SLC35D2: variants seen among roughly 807,000 people sequenced by gnomAD.
SLC35D2 encodes solute carrier family 35 member D2.
A neutral mutation model predicts 41.8 loss-of-function variants in SLC35D2; 43 were observed. That is an observed-to-expected ratio of 1.03 (90% CI 0.81 to 1.33). The LOEUF is 1.33. Ranked by LOEUF, SLC35D2 falls within the 40% of genes most tolerant of loss-of-function variation. The pLI is 0.00. For missense variants in SLC35D2, 380 were observed against 408.4 expected, an observed-to-expected ratio of 0.93 and a Z score of 0.60; for synonymous variants, 150 against 163.9, an observed-to-expected ratio of 0.92 and a Z score of 0.65.
Position 96,336,730 on chromosome 9 carries a change from A to G in SLC35D2, c.739T>C (p.Ser247Pro). 1 of 1,583,800 alleles carries G rather than the reference A, an allele frequency of 6.3e-7. No individual in the cohort carries two copies. Among genetic ancestry groups the G allele is most frequent in the Non-Finnish European group, 8.6e-7 (1 of 1,157,928 alleles). The change falls in exon 9 of 12, where the codon TCC (serine) becomes CCC (proline). Residue 247 changes from serine to proline, a missense_variant. Coordinates refer to ENST00000253270, the MANE Select transcript of SLC35D2 (RefSeq NM_007001.3). ...NVVFILQFLL[S>P]CFLGFLLMYS... is the part of the protein sequence containing the mutation. ...ATGGTTTCTTACCCCAAAAAACAGGAAAGAAGAAACTGTAGGATAAACACA... is the reference window on the plus strand; with the variant it reads ...ATGGTTTCTTACCCCAAAAAACAGGGAAGAAGAAACTGTAGGATAAACACA...
At chr9:96,382,492 C>CTAT (rs1238678610) in intron 1 of SLC35D2, among the ~76,000 whole-genome samples, 1 of 144,196 alleles carries the variant, frequency 6.9e-6, no homozygotes, top group East Asian at 2.0e-4. Context: ...CACACACACA[C>CTAT]ACACTATATA....
chr9:96,336,682 T>C, intron 9 of SLC35D2, 35 bp downstream of exon 9: 2 of 1,256,680 alleles, frequency 1.6e-6, no homozygotes, highest in South Asian at 1.3e-5. Context: ...AGAGATACTG[T>C]TGACCAATGC....
At chr9:96,343,122 C>T in intron 8 of SLC35D2, among the ~76,000 whole-genome samples, 1 of 152,224 alleles carries the variant, frequency 6.6e-6, no homozygotes, top group East Asian at 1.9e-4. Flanking sequence ...TGGCCCGCGA[C>T]TTCCTGAAGA....
intron 1 of SLC35D2, among the ~76,000 whole-genome samples, chr9:96,382,487 ACACACACAC>A (rs1156897660): frequency 2.1e-5 from 3 of 144,320 alleles, no homozygotes; most frequent in East Asian, 2.0e-4. Flanking sequence ...ACACACACAC[ACACACACAC>A]TATATATATA....
rs1297715912 is a variant in SLC35D2, at chr9:96,343,947, A to T, written c.641T>A (p.Ile214Asn). ...VLFYNACFMI[I>N]PTLIISVSTG... ...GGAGACACTAATAATAAGAGTTGGGATAATCATGAAGCAGGCATTGTAGAA... is the reference window on the plus strand; with the variant it reads ...GGAGACACTAATAATAAGAGTTGGGTTAATCATGAAGCAGGCATTGTAGAA... Residue 214 changes from isoleucine (I) to asparagine (N), a missense_variant, in exon 8 of 12, where the codon ATC becomes AAC. Coordinates refer to ENST00000253270, the MANE Select transcript of SLC35D2 (RefSeq NM_007001.3). 6.2e-7 allele frequency: 1 copy of T among 1,601,464 alleles called. No individual in the cohort carries two copies. Among genetic ancestry groups the T allele is most frequent in the African/African-American group, 1.4e-5 (1 of 74,018 alleles).
At chr9:96,316,246 A>G (rs1828049645), downstream of SLC35D2, among the ~76,000 whole-genome samples, 1 of 152,206 alleles carries the variant, frequency 6.6e-6, no homozygotes. Context: ...CACAACTGTA[A>G]TCTCAGCACT....
rs1020379028 is a variant in SLC35D2, at chr9:96,313,815, A to T, written c.*2120T>A. 2.4e-4 allele frequency among the ~76,000 whole-genome samples: 37 copies of T among 152,266 alleles called. 1 individual carries two copies. Among genetic ancestry groups the T allele is most frequent in the African/African-American group, 7.7e-4 (32 of 41,548 alleles). On this transcript the variant is annotated 3_prime_UTR_variant and NMD_transcript_variant, in exon 12 of 12. Coordinates refer to the SLC35D2 transcript ENST00000650065. Reference sequence around the variant, plus strand: ...TGGTAGCCTCTGGTCTTGTCAGATCATCTCTCCCCAGTGTGGAACAGCCTT... The same window carrying T: ...TGGTAGCCTCTGGTCTTGTCAGATCTTCTCTCCCCAGTGTGGAACAGCCTT...
intron 3 of SLC35D2, among the ~76,000 whole-genome samples, chr9:96,360,659 A>AAAAAG (rs1351741259): frequency 1.3e-5 from 2 of 151,046 alleles, no homozygotes; most frequent in African/African-American, 2.4e-5. Flanking sequence ...AAAAAAGAAA[A>AAAAAG]GGTGCGCCTT....
At chr9:96,351,984 A>C (rs1290854292) in intron 5 of SLC35D2, 54 bp downstream of exon 5, 2 of 1,174,090 alleles carry the variant, frequency 1.7e-6, no homozygotes, top group African/African-American at 3.0e-5. Context: ...GCTGGGTAAA[A>C]GAAATGCAGT....
intron 1 of SLC35D2, among the ~76,000 whole-genome samples, chr9:96,382,640 A>T (rs972904703): frequency 5.3e-5 from 8 of 152,012 alleles, no homozygotes; most frequent in African/African-American, 1.9e-4. Context: ...TGTATATATA[A>T]AAAAAGAAAG....
At chr9:96,319,016 C>G (rs2130818499), downstream of SLC35D2, among the ~76,000 whole-genome samples, 1 of 152,210 alleles carries the variant, frequency 6.6e-6, no homozygotes, top group South Asian at 2.1e-4. Context: ...CACTTCTAGG[C>G]ATATATCTAA....
intron 4 of SLC35D2, among the ~76,000 whole-genome samples, chr9:96,357,995 G>A (rs1197512876): frequency 6.7e-6 from 1 of 150,308 alleles, no homozygotes; most frequent in Non-Finnish European, 1.5e-5. Flanking sequence ...AGCTGTGATC[G>A]CACCACTGCA....
chr9:96,323,634 A>G (rs1436462575), intron 10 of SLC35D2, among the ~76,000 whole-genome samples: 1 of 152,144 alleles, frequency 6.6e-6, no homozygotes, highest in Non-Finnish European at 1.5e-5. Flanking sequence ...AGATTAGAAG[A>G]AGTAAGACGG....
At chr9:96,336,663 G>C (rs1829063256) in intron 9 of SLC35D2, 54 bp downstream of exon 9, 4 of 1,053,214 alleles carry the variant, frequency 3.8e-6, no homozygotes, top group Admixed American at 2.1e-5. Flanking sequence ...ATCTTGATTT[G>C]ACTTGTCAAG....
chr9:96,369,543 A>G (rs1195611892), intron 1 of SLC35D2, among the ~76,000 whole-genome samples: 1 of 152,222 alleles, frequency 6.6e-6, no homozygotes, highest in East Asian at 1.9e-4. Context: ...TCAAATTACA[A>G]TAAATGAGAT....
At position 96,345,417 on chromosome 9, in the gene SLC35D2, C is replaced by A; in HGVS notation, c.489-16G>T. On this transcript the variant is annotated splice_polypyrimidine_tract_variant and intron_variant, in intron 6 of 11. Coordinates refer to ENST00000253270, the MANE Select transcript of SLC35D2 (RefSeq NM_007001.3). ...AAGGTCAGACCTGGGAGGGAGACCA[C>A]AAAGGGAGAATGATTACTCAAAAAC... 1 of 1,417,506 alleles carries A rather than the reference C, an allele frequency of 7.1e-7. No homozygotes were observed. Among genetic ancestry groups the A allele is most frequent in the Non-Finnish European group, 9.9e-7 (1 of 1,006,544 alleles). 87.8% of individuals were successfully genotyped at this position (1,417,506 alleles called of 1,614,324 possible). A position where few individuals can be genotyped will look rare whatever the true frequency, so the allele number is the denominator to read the frequency against.
chr9:96,333,410 C>G (rs987632474), intron 9 of SLC35D2, among the ~76,000 whole-genome samples: 3 of 150,712 alleles, frequency 2.0e-5, no homozygotes, highest in African/African-American at 7.3e-5. Flanking sequence ...TCCTGGCTAA[C>G]ACGGTGAAAC....
At chr9:96,349,594 C>T (rs1400785321) in intron 6 of SLC35D2, among the ~76,000 whole-genome samples, 2 of 152,038 alleles carry the variant, frequency 1.3e-5, no homozygotes, top group Non-Finnish European at 2.9e-5. Flanking sequence ...GGCACAATCT[C>T]AGCTCACTAC....
rs1829450902 is a variant in SLC35D2, at chr9:96,343,910, C to G, written c.678G>C (p.Leu226=). 2.0e-6 allele frequency: 3 copies of G among 1,532,246 alleles called. No homozygotes were observed. In the African/African-American group the frequency reaches 4.3e-5, roughly 22 times the overall value. 94.9% of individuals were successfully genotyped at this position (1,532,246 alleles called of 1,614,324 possible). A position where few individuals can be genotyped will look rare whatever the true frequency, so the allele number is the denominator to read the frequency against. The change falls in exon 8 of 12, where the codon CTG becomes CTC. Residue 226 remains leucine, a synonymous_variant. Transcript: ENST00000253270. ...ATGATTGTCATCAGCTCACCTGTTG[C>G]AGGTCTCCAGTGGAGACACTAATAA... The part of the protein sequence containing the change: ...TLIISVSTGD[L]QQATEFNQWK...
Sources: allele counts gnomAD v4.1 joint callset (sites outside exome capture counted in the v4.1 genomes callset), GRCh38; gene constraint gnomAD v4.1.1; transcripts MANE v1.5; gene names NCBI Gene and HGNC (gene_info 2026-07-23, HGNC 2026-07-21).